Variants in RPS6KA2 observed in about 807,000 individuals in gnomAD.
RPS6KA2 encodes ribosomal protein S6 kinase alpha-2.
A neutral mutation model predicts 91.8 loss-of-function variants in RPS6KA2; 42 were observed. The observed-to-expected ratio is 0.46, with a 90% CI of 0.36 to 0.59. The LOEUF is 0.59. Ranked by LOEUF, RPS6KA2 falls within the 20% of genes least tolerant of loss-of-function variation. The pLI, the probability that RPS6KA2 is intolerant of heterozygous loss-of-function variation, is 0.00. For missense variants in RPS6KA2, 798 were observed against 978.5 expected (o/e 0.82, Z 2.46); for synonymous variants, 414 against 393.6 (o/e 1.05, Z -0.61).
At chr6:166,803,568 G>A (rs1020356430) in intron 2 of RPS6KA2, among the ~76,000 whole-genome samples, 1 of 152,202 alleles carries the variant, frequency 6.6e-6, no homozygotes, top group Non-Finnish European at 1.5e-5. Context: ...GGCAGGCAGC[G>A]AGAGTTAAAC....
rs941081666 is a variant in RPS6KA2 at position 166,737,057 on chromosome 6, G to A, written c.123+121143C>T. 3.3e-5 allele frequency among the ~76,000 whole-genome samples: 5 copies of A among 152,200 alleles called. No individual in the cohort carries two copies. The highest frequency in any genetic ancestry group is 1.2e-4 in the African/African-American group (5 of 41,442). ...GAAAGAGAGCGGCAAAGCGCATGGA[G>A]CCTACGCTTTTTTACAGACGCAAAA... On this transcript the variant is annotated intron_variant, in intron 2 of 21. Coordinates refer to the RPS6KA2 transcript ENST00000503859. The surrounding 1 kb of genome is among the most constrained non-coding windows in gnomAD (Gnocchi z 4.3).
chr6:166,582,495 C>T (rs1036527271), intron 1 of RPS6KA2, among the ~76,000 whole-genome samples: 4 of 152,148 alleles, frequency 2.6e-5, no homozygotes, highest in East Asian at 1.9e-4. Context: ...AGCCATTTTA[C>T]GATCACAAAT....
intron 1 of RPS6KA2, chr6:166,862,002 A>G: frequency 7.0e-7 from 1 of 1,426,112 alleles, no homozygotes; most frequent in Non-Finnish European, 9.8e-7. Context: ...GACCCATCAT[A>G]GTCACCTAAT....
At chr6:166,571,119 C>T (rs527866499) in intron 1 of RPS6KA2, among the ~76,000 whole-genome samples, 3 of 152,328 alleles carry the variant, frequency 2.0e-5, no homozygotes, top group Admixed American at 6.5e-5. Context: ...CCGATGAGGC[C>T]GGCCCCGCAT....
intron 2 of RPS6KA2, among the ~76,000 whole-genome samples, chr6:166,857,835 C>T (rs1013361703): frequency 6.6e-6 from 1 of 152,304 alleles, no homozygotes; most frequent in African/African-American, 2.4e-5. Context: ...ACATGACTTC[C>T]AGTACAGGGA....
intron 2 of RPS6KA2, among the ~76,000 whole-genome samples, chr6:166,656,954 T>A (rs1025484860): frequency 2.6e-5 from 4 of 152,174 alleles, no homozygotes; most frequent in Admixed American, 2.6e-4. Context: ...GGATGGCCAC[T>A]CTGTCCTTGG....
At chr6:166,491,660 CGT>C (rs1781591181) in intron 8 of RPS6KA2, among the ~76,000 whole-genome samples, 2 of 152,130 alleles carry the variant, frequency 1.3e-5, no homozygotes, top group Non-Finnish European at 2.9e-5. Context: ...TTTTTTGCTG[CGT>C]GTGTCTCTGC....
chr6:166,480,368 C>A (rs963710246), intron 10 of RPS6KA2, among the ~76,000 whole-genome samples: 1 of 151,608 alleles, frequency 6.6e-6, no homozygotes, highest in African/African-American at 2.4e-5. Flanking sequence ...AAGTGCCGAA[C>A]TTTCAATAGC....
At position 166,409,493 on chromosome 6, in the gene RPS6KA2, C is replaced by T. The variant is rs1489598672; in HGVS notation, c.*3269G>A. 6.6e-6 allele frequency: 1 copy of T among 152,400 alleles called. No homozygotes were observed. The highest frequency in any genetic ancestry group is 1.5e-5 in the Non-Finnish European group (1 of 68,036). The allele number at this position is 152,400 out of a possible 1,614,324, so 9.4% of individuals were successfully genotyped here. A position where few individuals can be genotyped will look rare whatever the true frequency, so the allele number is the denominator to read the frequency against. On this transcript the variant is annotated 3_prime_UTR_variant, in exon 21 of 21. Coordinates refer to ENST00000265678, the MANE Select transcript of RPS6KA2 (RefSeq NM_021135.6). ...CCCATCTCAAACATGAATTACAAAG[C>T]AGGAACATAAAAATGATGTGTAAAC...
chr6:166,846,933 G>C (rs1400892843), intron 2 of RPS6KA2, among the ~76,000 whole-genome samples: 2 of 152,120 alleles, frequency 1.3e-5, no homozygotes, highest in Non-Finnish European at 2.9e-5. Flanking sequence ...ACTGTTTGCT[G>C]ATAATATAAT....
At chr6:166,588,906 G>C (rs752365272) in intron 1 of RPS6KA2, among the ~76,000 whole-genome samples, 93 of 152,342 alleles carry the variant, frequency 6.1e-4, no homozygotes, top group Non-Finnish European at 8.2e-4. Flanking sequence ...CCAGCAAGTA[G>C]ATGGAAAAGG....
rs1310995004 is a variant in RPS6KA2, at chr6:166,733,468, C to T, written c.123+124732G>A. Among the ~76,000 whole-genome samples, 2 of 152,232 alleles carry T rather than the reference C, an allele frequency of 1.3e-5. No individual in the cohort carries two copies. The highest frequency in any genetic ancestry group is 2.9e-5 in the Non-Finnish European group (2 of 68,038). ...TCCCAAAAAGACATAGGGACCCTTA[C>T]AGTACGAGTTTTGGGTACTAACCCC... On this transcript the variant is annotated intron_variant, in intron 2 of 21. Transcript: ENST00000503859. The surrounding 1 kb of genome is among the most constrained non-coding windows in gnomAD (Gnocchi z 4.1).
chr6:166,606,314 A>G (rs938823317), intron 1 of RPS6KA2, among the ~76,000 whole-genome samples: 1 of 152,244 alleles, frequency 6.6e-6, no homozygotes. Context: ...CCAAAGCTGA[A>G]TAGCCCTCTT....
intron 1 of RPS6KA2, among the ~76,000 whole-genome samples, chr6:166,591,691 T>G (rs987795571): frequency 6.6e-6 from 1 of 152,152 alleles, no homozygotes; most frequent in African/African-American, 2.4e-5. Context: ...TGCCCAGGTA[T>G]AGTCTCGGAA....
rs71032809 is a variant in RPS6KA2 at position 166,517,455 on chromosome 6, G to GTTTTTTT, written c.299-7105_299-7099dup. 5.8e-4 allele frequency among the ~76,000 whole-genome samples: 61 copies of GTTTTTTT among 104,922 alleles called. 1 individual carries two copies. The highest frequency in any genetic ancestry group is 8.9e-4 in the African/African-American group (20 of 22,520). The allele number at this position is 104,922 out of a possible 152,430, so 68.8% of individuals were successfully genotyped here. On this transcript the variant is annotated intron_variant, in intron 3 of 20. Transcript: ENST00000265678. ...ACCACTTAAGGCGTTCTTTTGTTTT[G>GTTTTTTT]TTTTTTTTTTTTTTTTTTTTTTTTT... is the stretch of plus-strand genomic sequence containing the variant.
chr6:166,669,366 G>A (rs1440014724), intron 2 of RPS6KA2, among the ~76,000 whole-genome samples: 1 of 152,194 alleles, frequency 6.6e-6, no homozygotes, highest in African/African-American at 2.4e-5. Context: ...GCTCCCCCAG[G>A]CCATGTGTAG....
At chr6:166,744,654 C>T (rs1394953715) in intron 2 of RPS6KA2, among the ~76,000 whole-genome samples, 1 of 152,178 alleles carries the variant, frequency 6.6e-6, no homozygotes, top group Non-Finnish European at 1.5e-5. Context: ...CGCGCTGCCC[C>T]TTCAGACCTC....
At chr6:166,845,036 C>A (rs1009602531) in intron 2 of RPS6KA2, among the ~76,000 whole-genome samples, 2 of 151,986 alleles carry the variant, frequency 1.3e-5, no homozygotes, top group Non-Finnish European at 2.9e-5. Context: ...CATGAAAATG[C>A]ATACCAAAAG....
At chr6:166,565,342 G>A (rs529154255) in intron 1 of RPS6KA2, among the ~76,000 whole-genome samples, 80 of 152,344 alleles carry the variant, frequency 5.3e-4, no homozygotes, top group Admixed American at 1.2e-3. Flanking sequence ...GTTCTTCTGC[G>A]GTGTGCTTCA....
Sources: allele counts gnomAD v4.1 joint callset (sites outside exome capture counted in the v4.1 genomes callset), GRCh38; gene constraint gnomAD v4.1.1; non-coding constraint Gnocchi (gnomAD v3.1); transcripts MANE v1.5; gene names NCBI Gene and HGNC (gene_info 2026-07-23, HGNC 2026-07-21).